TXNRD3: variants seen among roughly 807,000 people sequenced by gnomAD.
TXNRD3 encodes thioredoxin reductase 3.
TXNRD3 carries 68 observed loss-of-function variants against 78.2 expected under a neutral mutation model. That is an observed-to-expected ratio of 0.87 (90% CI 0.72 to 1.06). The LOEUF (loss-of-function observed/expected upper bound fraction) is 1.06, where lower values mean the gene tolerates loss of function less well. TXNRD3 is among the 50% of genes least tolerant of loss of function. TXNRD3 has a pLI of 0.00. For synonymous variants in TXNRD3, 296 were observed against 300.1 expected (o/e 0.99, Z 0.14); for missense variants, 751 against 809.5 (o/e 0.93, Z 0.88).
chr3:126,643,418 G>A (rs556681210), intron 5 of TXNRD3, among the ~76,000 whole-genome samples: 30 of 152,308 alleles, frequency 2.0e-4, no homozygotes, highest in African/African-American at 6.7e-4. Flanking sequence ...TCCTTGTTAA[G>A]CTAAACTGTA....
In TXNRD3 at chr3:126,621,857, A is replaced by C. The variant is rs1243729501; in HGVS notation, c.1409T>G (p.Val470Gly). The C allele has an allele frequency of 2.0e-6, 3 of 1,532,928 alleles. No homozygotes were observed. Among genetic ancestry groups the C allele is most frequent in the African/African-American group, 2.7e-5 (2 of 72,852 alleles). The allele number at this position is 1,532,928 out of a possible 1,614,324, so 95.0% of individuals were successfully genotyped here. Residue 470 changes from valine to glycine, a missense_variant, in exon 12 of 16, where the codon GTG (valine) becomes GGG (glycine). Val to Gly is a moderately radical substitution (Grantham distance 109, BLOSUM62 -3). Transcript: ENST00000524230. Reference sequence around the variant, plus strand: ...ATCACCAACAGCATAGACATATGGCACATTGGTCTGTTCCACATCATTTAC... The same window carrying C: ...ATCACCAACAGCATAGACATATGGCCCATTGGTCTGTTCCACATCATTTAC...
chr3:126,615,937 G>A lies in TXNRD3; in HGVS notation c.1525-475C>T, dbSNP rs1055169818. On this transcript the variant is annotated intron_variant, in intron 12 of 15. Coordinates refer to ENST00000524230, the MANE Select transcript of TXNRD3 (RefSeq NM_052883.3). Reference sequence around the variant, plus strand: ...AGGTGAGGCAAATATGCAGCTCAACGGTGCTGGACTAAGTGTTCTTGACCA... The same window carrying A: ...AGGTGAGGCAAATATGCAGCTCAACAGTGCTGGACTAAGTGTTCTTGACCA... 9.2e-5 allele frequency among the ~76,000 whole-genome samples: 14 copies of A among 152,132 alleles called. 1 individual carries two copies. In the South Asian group the frequency reaches 1.0e-3, roughly 11 times the overall value.
In TXNRD3 at chr3:126,611,094, T is replaced by C; in HGVS notation, c.1671A>G (p.Val557=). The change falls in exon 14 of 16, where the codon GTA becomes GTG. Residue 557 remains valine (V), a synonymous_variant. Coordinates refer to ENST00000524230, the MANE Select transcript of TXNRD3 (RefSeq NM_052883.3). ...AACAAGTGTTGTTCTCTCTGCCAGCTACTGTCCATTCAAGAGGCCAGAACA... is the reference window on the plus strand; with the variant it reads ...AACAAGTGTTGTTCTCTCTGCCAGCCACTGTCCATTCAAGAGGCCAGAACA... 6.5e-7 allele frequency: 1 copy of C among 1,529,282 alleles called. No homozygotes were observed. Among genetic ancestry groups the C allele is most frequent in the South Asian group, 1.2e-5 (1 of 82,636 alleles). The allele number at this position is 1,529,282 out of a possible 1,614,324, so 94.7% of individuals were successfully genotyped here. A position where few individuals can be genotyped will look rare whatever the true frequency, so the allele number is the denominator to read the frequency against.
At chr3:126,651,739 G>A (rs899208891) in intron 1 of TXNRD3, among the ~76,000 whole-genome samples, 6 of 152,040 alleles carry the variant, frequency 3.9e-5, no homozygotes, top group Admixed American at 3.9e-4. Flanking sequence ...GGAAAGGATG[G>A]GGTCTCCAAA....
rs572918797 is a variant in TXNRD3, at chr3:126,611,130, T to C, written c.1635A>G (p.Ile545Met). Reference sequence around the variant, plus strand: ...CAAGAGGCCAGAACAAAGTATGATATATCTGGAAGATAAAAGAGAGAAAAA... The same window carrying C: ...CAAGAGGCCAGAACAAAGTATGATACATCTGGAAGATAAAAGAGAGAAAAA... The change falls in exon 14 of 16, where the codon ATA becomes ATG. Residue 545 changes from isoleucine to methionine, a missense_variant and splice_region_variant. Ile to Met is a conservative substitution (Grantham distance 10). Transcript: ENST00000524230. 64 of 1,511,630 alleles carry C rather than the reference T, an allele frequency of 4.2e-5. No homozygotes were observed. In the African/African-American group the frequency reaches 7.5e-4, roughly 18 times the overall value. The allele number at this position is 1,511,630 out of a possible 1,614,324, so 93.6% of individuals were successfully genotyped here. A position where few individuals can be genotyped will look rare whatever the true frequency, so the allele number is the denominator to read the frequency against.
chr3:126,630,680 GA>G (rs766744880), intron 9 of TXNRD3, 31 bp downstream of exon 9: 18 of 1,521,112 alleles, frequency 1.2e-5, no homozygotes, highest in African/African-American at 2.8e-5. Context: ...AAAAGTTAGA[GA>G]AAAAAAATTG....
intron 9 of TXNRD3, 56 bp downstream of exon 9, chr3:126,630,656 G>T: frequency 7.0e-7 from 1 of 1,435,402 alleles, no homozygotes; most frequent in Non-Finnish European, 9.4e-7. Context: ...AATGAAGTAA[G>T]GTGAGATAAA....
chr3:126,630,901 T>C lies in TXNRD3; in HGVS notation c.1008A>G (p.Lys336=). 1.3e-6 allele frequency: 2 copies of C among 1,536,078 alleles called. No individual in the cohort carries two copies. Among genetic ancestry groups the C allele is most frequent in the Non-Finnish European group, 1.7e-6 (2 of 1,146,884 alleles). Residue 336 remains lysine (K), a synonymous_variant, in exon 9 of 16, where the codon AAA becomes AAG. Coordinates refer to ENST00000524230, the MANE Select transcript of TXNRD3 (RefSeq NM_052883.3). ...CATAAGAGGCACCCACCACTAATGT[T>C]TTGCCAGGGCAATAAGGCAGAGAAA...
intron 6 of TXNRD3, among the ~76,000 whole-genome samples, chr3:126,636,770 A>C (rs1938871833): frequency 6.6e-6 from 1 of 152,172 alleles, no homozygotes; most frequent in Admixed American, 6.5e-5. Context: ...TCAGCCTCCA[A>C]AAAAAGGTGG....
At chr3:126,639,283 T>C (rs548651163) in intron 6 of TXNRD3, among the ~76,000 whole-genome samples, 5 of 152,336 alleles carry the variant, frequency 3.3e-5, no homozygotes, top group African/African-American at 1.2e-4. Context: ...GCCCCAATCA[T>C]GCCCTTAAAA....
chr3:126,622,851 T>C (rs537105298), intron 10 of TXNRD3, among the ~76,000 whole-genome samples: 1 of 152,246 alleles, frequency 6.6e-6, no homozygotes, highest in East Asian at 1.9e-4. Flanking sequence ...TAAGGTAAAA[T>C]AGGTCATATG....
At chr3:126,647,650 T>A (rs1410357557) in intron 1 of TXNRD3, among the ~76,000 whole-genome samples, 2 of 152,112 alleles carry the variant, frequency 1.3e-5, no homozygotes, top group African/African-American at 2.4e-5. Context: ...TTCCACTCAG[T>A]AAGACCCCAT....
intron 9 of TXNRD3, among the ~76,000 whole-genome samples, chr3:126,630,210 G>A (rs1938675851): frequency 6.6e-6 from 1 of 152,230 alleles, no homozygotes; most frequent in African/African-American, 2.4e-5. Flanking sequence ...CACTGGATTT[G>A]ATGACAGGAA....
Position 126,608,484 on chromosome 3 carries a change from C to T in TXNRD3, c.1863+15G>A. 6.6e-7 allele frequency: 1 copy of T among 1,513,434 alleles called. No homozygotes were observed. 93.8% of individuals were successfully genotyped at this position (1,513,434 alleles called of 1,614,324 possible). ...CATCAACTGAAGCCAATTTTTAAAA[C>T]CTCCTGTTTCCTACCTCCCCACATG... On this transcript the variant is annotated intron_variant, in intron 15 of 15. Coordinates refer to ENST00000524230, the MANE Select transcript of TXNRD3 (RefSeq NM_052883.3).
At chr3:126,615,207 A>C (rs1373291239) in intron 13 of TXNRD3, 148 bp downstream of exon 13, 3 of 465,570 alleles carry the variant, frequency 6.4e-6, no homozygotes, top group Non-Finnish European at 1.1e-5. Flanking sequence ...GATTTAAATT[A>C]ATTCCTAATT....
intron 6 of TXNRD3, among the ~76,000 whole-genome samples, chr3:126,636,931 T>C (rs1449858386): frequency 6.6e-6 from 1 of 151,756 alleles, no homozygotes; most frequent in East Asian, 1.9e-4. Context: ...TGTGATTTTT[T>C]TTTTTTTTTA....
chr3:126,608,080 G>T (rs951401619), intron 15 of TXNRD3, 107 bp from the exon 16 acceptor site: 13 of 875,824 alleles, frequency 1.5e-5, no homozygotes, highest in Middle Eastern at 3.5e-4. Context: ...TACAAATCTG[G>T]CCAGGCATGG....
At chr3:126,621,358 A>G (rs1266719344) in intron 12 of TXNRD3, among the ~76,000 whole-genome samples, 3 of 152,184 alleles carry the variant, frequency 2.0e-5, no homozygotes, top group African/African-American at 7.2e-5. Flanking sequence ...GCAACAGTCC[A>G]CTTATGAAGG....
At chr3:126,650,618 GC>G (rs900547386) in intron 1 of TXNRD3, among the ~76,000 whole-genome samples, 23 of 151,552 alleles carry the variant, frequency 1.5e-4, no homozygotes, top group Non-Finnish European at 3.2e-4. Flanking sequence ...TCCAGCCTGG[GC>G]AACAGAGCAA....
Sources: allele counts gnomAD v4.1 joint callset (sites outside exome capture counted in the v4.1 genomes callset), GRCh38; gene constraint gnomAD v4.1.1; transcripts MANE v1.5; gene names NCBI Gene and HGNC (gene_info 2026-07-23, HGNC 2026-07-21).